PDE4B: variants seen among roughly 807,000 people sequenced by gnomAD.
The protein encoded by PDE4B is 3',5'-cyclic-AMP phosphodiesterase 4B.
A neutral mutation model predicts 82.2 loss-of-function variants in PDE4B; 20 were observed. That is an observed-to-expected ratio of 0.24 (90% CI 0.17 to 0.35). The LOEUF is 0.35. Among genes scored for constraint, PDE4B ranks in the 10% least tolerant of loss-of-function variants. The pLI is 1.00. For missense variants in PDE4B, 655 were observed against 907.2 expected, an observed-to-expected ratio of 0.72 and a Z score of 3.57; for synonymous variants, 320 against 318.9, an observed-to-expected ratio of 1.00 and a Z score of -0.04.
At chr1:65,901,622 C>T (rs1646972984) in intron 1 of PDE4B, among the ~76,000 whole-genome samples, 1 of 151,972 alleles carries the variant, frequency 6.6e-6, no homozygotes, top group African/African-American at 2.4e-5. Flanking sequence ...ATTTCTGATT[C>T]AATTTTGAAT....
Position 66,335,379 on chromosome 1 carries a change from A to T in PDE4B, c.747+2759A>T, listed in dbSNP as rs79275451. Reference sequence around the variant, plus strand: ...TGGGAATTACATAAGTGCAGTCTACATGCAACTGGTAGAGAGTTAACTGTG... The same window carrying T: ...TGGGAATTACATAAGTGCAGTCTACTTGCAACTGGTAGAGAGTTAACTGTG... On this transcript the variant is annotated intron_variant, in intron 8 of 16. Coordinates refer to ENST00000341517, the MANE Select transcript of PDE4B (RefSeq NM_002600.4). Among the ~76,000 whole-genome samples, 1,513 of 152,082 alleles carry T rather than the reference A, an allele frequency of 9.9e-3. 21 individuals are homozygous for T. The highest frequency in any genetic ancestry group is 0.035 in the African/African-American group (1,439 of 41,400).
intron 3 of PDE4B, among the ~76,000 whole-genome samples, chr1:66,042,220 A>T (rs1475287337): frequency 2.0e-5 from 3 of 151,888 alleles, no homozygotes; most frequent in African/African-American, 7.2e-5. Context: ...AAATGGAAGA[A>T]AAGTGTTTTG....
chr1:65,961,561 C>A lies in PDE4B; in HGVS notation c.281+42726C>A, dbSNP rs553221047. ...GCTATATTTGTCCTTACAACCCTCC[C>A]AAATAAATATAATTATCCACCATTA... On this transcript the variant is annotated intron_variant, in intron 3 of 16. Coordinates refer to ENST00000341517, the MANE Select transcript of PDE4B (RefSeq NM_002600.4). 1.2e-3 allele frequency among the ~76,000 whole-genome samples: 179 copies of A among 152,138 alleles called. 3 individuals are homozygous for A. In the South Asian group the frequency reaches 0.018, roughly 16 times the overall value.
chr1:65,894,169 G>A (rs568614399), intron 1 of PDE4B, among the ~76,000 whole-genome samples: 11 of 152,100 alleles, frequency 7.2e-5, no homozygotes, highest in African/African-American at 2.7e-4. Context: ...AAAAAACAGA[G>A]TTAGAGGATT....
intron 1 of PDE4B, among the ~76,000 whole-genome samples, chr1:65,852,001 A>G (rs1646337890): frequency 6.6e-6 from 1 of 152,000 alleles, no homozygotes; most frequent in Admixed American, 6.6e-5. Context: ...TAATATGTTA[A>G]TGCAGTGAAT....
At position 66,064,337 on chromosome 1, in the gene PDE4B, G is replaced by A. The variant is rs540035883; in HGVS notation, c.281+145502G>A. ...GTAAAGGTGCAGAAAGTAAAACAGAGTTACTGGGGCAGGAGCTGATGCAGA... is the reference window on the plus strand; with the variant it reads ...GTAAAGGTGCAGAAAGTAAAACAGAATTACTGGGGCAGGAGCTGATGCAGA... On this transcript the variant is annotated intron_variant, in intron 3 of 16. Transcript: ENST00000341517. 7.9e-5 allele frequency among the ~76,000 whole-genome samples: 12 copies of A among 151,966 alleles called. No individual in the cohort carries two copies. In the South Asian group the frequency reaches 1.5e-3, roughly 18 times the overall value.
chr1:66,036,021 TGA>T (rs1654040200), intron 3 of PDE4B, among the ~76,000 whole-genome samples: 1 of 152,210 alleles, frequency 6.6e-6, no homozygotes, highest in Admixed American at 6.5e-5. Context: ...TCTTTCATCT[TGA>T]TAGTAGCCAC....
chr1:66,073,009 T>G (rs952617179), intron 3 of PDE4B, among the ~76,000 whole-genome samples: 2 of 103,288 alleles, frequency 1.9e-5, no homozygotes, highest in African/African-American at 7.8e-5. Flanking sequence ...TATTCAGCCT[T>G]TAGCCCTTTT....
rs188324656 is a variant in PDE4B, at chr1:66,203,492, C to T, written c.282-43968C>T. Among the ~76,000 whole-genome samples the T allele has an allele frequency of 2.4e-4, 36 of 152,294 alleles. No homozygotes were observed. In the East Asian group the frequency reaches 3.1e-3, roughly 13 times the overall value. ...GTCACTTTCAGGTACACCAATCAGA[C>T]GTAGATTTGGTCTTTTCACATAGTC... On this transcript the variant is annotated intron_variant, in intron 3 of 16. Transcript: ENST00000341517.
chr1:65,943,619 C>A (rs1648554872), intron 3 of PDE4B, among the ~76,000 whole-genome samples: 1 of 151,916 alleles, frequency 6.6e-6, no homozygotes, highest in Admixed American at 6.6e-5. Context: ...AATATGAATT[C>A]TTCAAAGCCA....
intron 3 of PDE4B, among the ~76,000 whole-genome samples, chr1:66,039,453 A>G (rs1257569462): frequency 6.6e-6 from 1 of 152,084 alleles, no homozygotes; most frequent in African/African-American, 2.4e-5. Flanking sequence ...CAGTTTCAGA[A>G]TAATACATAC....
chr1:65,954,805 A>G, intron 3 of PDE4B, among the ~76,000 whole-genome samples: 1 of 152,124 alleles, frequency 6.6e-6, no homozygotes, highest in South Asian at 2.1e-4. Context: ...CTTTGTGTTC[A>G]TATAAATATT....
rs141222825 is a variant in PDE4B, at chr1:66,340,881, A to T, written c.747+8261A>T. On this transcript the variant is annotated intron_variant, in intron 8 of 16. Transcript: ENST00000341517. ...AATAAAAATAGATTTCAACTCAATTATATAGGCTATGCTAAAGCCAATCAG... is the reference window on the plus strand; with the variant it reads ...AATAAAAATAGATTTCAACTCAATTTTATAGGCTATGCTAAAGCCAATCAG... 9.3e-3 allele frequency among the ~76,000 whole-genome samples: 1,417 copies of T among 152,334 alleles called. 16 individuals carry two copies. The highest frequency in any genetic ancestry group is 0.033 in the African/African-American group (1,374 of 41,596).
chr1:65,814,714 T>C (rs1645859858), intron 1 of PDE4B, among the ~76,000 whole-genome samples: 1 of 152,116 alleles, frequency 6.6e-6, no homozygotes, highest in South Asian at 2.1e-4. Context: ...ATCTGCTTTT[T>C]TTTGTTTCTG....
At chr1:66,249,631 T>A (rs1653597445) in intron 4 of PDE4B, among the ~76,000 whole-genome samples, 2 of 152,126 alleles carry the variant, frequency 1.3e-5, no homozygotes, top group Admixed American at 1.3e-4. Context: ...TAGTTTACTG[T>A]CCTTTCAATT....
At chr1:66,225,300 C>T (rs572259742) in intron 3 of PDE4B, among the ~76,000 whole-genome samples, 12 of 152,332 alleles carry the variant, frequency 7.9e-5, no homozygotes, top group African/African-American at 2.6e-4. Context: ...GGGTCTGCTA[C>T]GCCCAAATGG....
At chr1:66,256,019 A>G (rs1054299871) in intron 4 of PDE4B, among the ~76,000 whole-genome samples, 3 of 152,200 alleles carry the variant, frequency 2.0e-5, no homozygotes, top group Non-Finnish European at 4.4e-5. Context: ...ACAAAAATAA[A>G]TAAATAAAAT....
intron 1 of PDE4B, among the ~76,000 whole-genome samples, chr1:65,802,565 C>A (rs1348651849): frequency 2.0e-5 from 3 of 152,004 alleles, no homozygotes; most frequent in Admixed American, 1.3e-4. Flanking sequence ...AAAATTGGTA[C>A]CTCCCCCAAA....
At chr1:66,307,429 T>C (rs560686574) in intron 7 of PDE4B, among the ~76,000 whole-genome samples, 2 of 152,196 alleles carry the variant, frequency 1.3e-5, no homozygotes, top group South Asian at 4.1e-4. Context: ...CTGAAGCAGA[T>C]GGTTAAAAGC....
Sources: allele counts gnomAD v4.1 joint callset (sites outside exome capture counted in the v4.1 genomes callset), GRCh38; gene constraint gnomAD v4.1.1; transcripts MANE v1.5; gene names NCBI Gene and HGNC (gene_info 2026-07-23, HGNC 2026-07-21).